The following CACNA1C variants were observed in gnomAD, a reference collection of about 807,000 sequenced individuals.
The protein encoded by CACNA1C is voltage-dependent L-type calcium channel subunit alpha-1C.
Under a neutral mutation model 229.0 loss-of-function variants are expected in CACNA1C, and 30 were observed. That is an observed-to-expected ratio of 0.13 (90% CI 0.10 to 0.18). The LOEUF is 0.18. CACNA1C is among the 10% of genes least tolerant of loss of function. CACNA1C has a pLI of 1.00. For missense variants in CACNA1C, 1,658 were observed against 2,845.0 expected (o/e 0.58, Z 9.49); for synonymous variants, 1,114 against 1,132.5 (o/e 0.98, Z 0.33).
At chr12:2,062,955 G>T (rs183047017) in intron 1 of CACNA1C, among the ~76,000 whole-genome samples, 1 of 151,898 alleles carries the variant, frequency 6.6e-6, no homozygotes, top group South Asian at 2.1e-4. Flanking sequence ...GGTATAATTC[G>T]CATACCGTAA....
At chr12:2,177,626 TTCTC>T (rs1164080924) in intron 3 of CACNA1C, among the ~76,000 whole-genome samples, 1 of 92,822 alleles carries the variant, frequency 1.1e-5, no homozygotes, top group African/African-American at 3.6e-5. Flanking sequence ...CCTTCCTTCC[TTCTC>T]TCTCTCTTTC....
intron 3 of CACNA1C, among the ~76,000 whole-genome samples, chr12:2,295,936 C>T (rs953493361): frequency 2.6e-5 from 4 of 152,224 alleles, no homozygotes; most frequent in Non-Finnish European, 4.4e-5. Context: ...TTTGTGACCA[C>T]GTTGCTTCCT....
chr12:2,141,560 A>G (rs751387200), intron 3 of CACNA1C, among the ~76,000 whole-genome samples: 2 of 151,162 alleles, frequency 1.3e-5, no homozygotes, highest in South Asian at 4.2e-4. Context: ...TTCCCTAGCA[A>G]CTTCTCTACA....
At chr12:2,122,400 G>A (rs2087246147) in intron 3 of CACNA1C, among the ~76,000 whole-genome samples, 1 of 152,186 alleles carries the variant, frequency 6.6e-6, no homozygotes, top group Non-Finnish European at 1.5e-5. Flanking sequence ...GGCAGTGAAT[G>A]CTGCCAGCTG....
intron 3 of CACNA1C, among the ~76,000 whole-genome samples, chr12:2,161,210 A>G (rs2095837963): frequency 6.6e-6 from 1 of 152,248 alleles, no homozygotes; most frequent in South Asian, 2.1e-4. Context: ...ATAATGATCA[A>G]TAACAGCTTA....
intron 8 of CACNA1C, among the ~76,000 whole-genome samples, chr12:2,510,769 C>T (rs2099781884): frequency 6.6e-6 from 1 of 152,186 alleles, no homozygotes; most frequent in African/African-American, 2.4e-5. Context: ...CCAAACCCAC[C>T]CCAGAGGGGT....
chr12:2,518,160 A>G (rs1442485113), intron 9 of CACNA1C, among the ~76,000 whole-genome samples: 1 of 152,236 alleles, frequency 6.6e-6, no homozygotes, highest in Admixed American at 6.5e-5. Flanking sequence ...AGAGTCTAGG[A>G]TCACATATTA....
intron 3 of CACNA1C, among the ~76,000 whole-genome samples, chr12:2,261,748 CACA>C (rs1351905793): frequency 3.6e-5 from 5 of 138,902 alleles, no homozygotes; most frequent in African/African-American, 1.3e-4. Flanking sequence ...TTGTGCAACA[CACA>C]CACACACACA....
intron 1 of CACNA1C, among the ~76,000 whole-genome samples, chr12:2,056,179 A>C (rs528142118): frequency 7.1e-6 from 1 of 140,912 alleles, no homozygotes; most frequent in Non-Finnish European, 1.6e-5. Flanking sequence ...GAGTGTGTGC[A>C]TGTGTGAGTG....
At chr12:2,559,786 C>G (rs1045963959) in intron 11 of CACNA1C, among the ~76,000 whole-genome samples, 12 of 152,146 alleles carry the variant, frequency 7.9e-5, no homozygotes, top group African/African-American at 2.9e-4. Flanking sequence ...TCCTGTATAG[C>G]TAGTGTGTCC....
chr12:2,090,260 A>G (rs2070066123), intron 1 of CACNA1C, among the ~76,000 whole-genome samples: 1 of 147,170 alleles, frequency 6.8e-6, no homozygotes, highest in Non-Finnish European at 1.5e-5. Context: ...GTGTGTCAGA[A>G]TTTCATTGCT....
At chr12:2,270,041 G>A (rs1039661399) in intron 3 of CACNA1C, 1 of 152,174 alleles carries the variant, frequency 6.6e-6, no homozygotes, top group Non-Finnish European at 1.5e-5. Flanking sequence ...GAAGCTGGAG[G>A]GCCAGGGAGC....
At chr12:2,515,466 T>C (rs1213966653) in intron 9 of CACNA1C, among the ~76,000 whole-genome samples, 1 of 152,220 alleles carries the variant, frequency 6.6e-6, no homozygotes, top group African/African-American at 2.4e-5. Flanking sequence ...TTGAAGCATG[T>C]GTGTTTCAAT....
At chr12:2,203,241 C>T (rs941836258) in intron 3 of CACNA1C, among the ~76,000 whole-genome samples, 1 of 152,104 alleles carries the variant, frequency 6.6e-6, no homozygotes, top group Non-Finnish European at 1.5e-5. Context: ...GCCTGCGATC[C>T]ATCTCCATGC....
At position 2,171,382 on chromosome 12, in the gene CACNA1C, A is replaced by G. The variant is rs946548781; in HGVS notation, c.477+50952A>G. On this transcript the variant is annotated intron_variant, in intron 3 of 46. Coordinates refer to ENST00000399655, the MANE Select transcript of CACNA1C (RefSeq NM_000719.7). ...GGGGTGGATCACACGCCATCCCCAC[A>G]TGCTCTCTGTGGGCCTGTTCTCTCC... is the stretch of plus-strand genomic sequence containing the variant. Among the ~76,000 whole-genome samples, 5 of 152,100 alleles carry G rather than the reference A, an allele frequency of 3.3e-5. No individual in the cohort carries two copies. In the East Asian group the frequency reaches 9.7e-4, roughly 30 times the overall value.
intron 1 of CACNA1C, among the ~76,000 whole-genome samples, chr12:1,996,885 A>G (rs117420502): frequency 0.027 from 4,160 of 152,212 alleles, 94 homozygotes; most frequent in Middle Eastern, 0.054. Context: ...AAGAAAATAC[A>G]CTTGTGTGTG....
At chr12:2,032,106 G>A (rs1172080829) in intron 1 of CACNA1C, among the ~76,000 whole-genome samples, 4 of 152,092 alleles carry the variant, frequency 2.6e-5, no homozygotes, top group Admixed American at 1.3e-4. Flanking sequence ...TGGCTCACAC[G>A]TGAGTGGGAG....
At position 2,283,020 on chromosome 12, in the gene CACNA1C, C is replaced by CT. The variant is rs374051091; in HGVS notation, c.477+162604dup. Among the ~76,000 whole-genome samples the CT allele has an allele frequency of 9.5e-3, 1,369 of 144,272 alleles. 7 individuals are homozygous for CT. Among genetic ancestry groups the CT allele is most frequent in the African/African-American group, 0.013 (503 of 39,530 alleles). 94.6% of individuals were successfully genotyped at this position (144,272 alleles called of 152,430 possible). A position where few individuals can be genotyped will look rare whatever the true frequency, so the allele number is the denominator to read the frequency against. On this transcript the variant is annotated intron_variant, in intron 3 of 46. Transcript: ENST00000399655. Reference sequence around the variant, plus strand: ...GAGTGGAGCCAATAACACTCTGGCCCTTTTTTTTTTTTTTACATAAAACAG... The same window carrying CT: ...GAGTGGAGCCAATAACACTCTGGCCCTTTTTTTTTTTTTTTACATAAAACAG...
intron 6 of CACNA1C, among the ~76,000 whole-genome samples, chr12:2,491,099 A>G (rs868389432): frequency 7.2e-5 from 11 of 152,236 alleles, no homozygotes; most frequent in Non-Finnish European, 5.9e-5. Flanking sequence ...AACTCAAAAC[A>G]TTATGCTAAG....
Sources: gnomAD v4.1 joint callset for allele counts (sites outside exome capture counted in the v4.1 genomes callset) on GRCh38, gnomAD v4.1.1 for gene constraint, MANE v1.5 for transcripts, NCBI Gene and HGNC (gene_info 2026-07-23, HGNC 2026-07-21) for gene names.